The following ATOSA variants were observed in gnomAD, a reference collection of about 807,000 sequenced individuals.
ATOSA encodes the protein atos homolog protein A.
the ATOSA span, among the ~76,000 whole-genome samples, chr15:52,593,217 G>C: frequency 6.6e-6 from 1 of 151,940 alleles, no homozygotes. Context: ...GGAGTAAAAG[G>C]GCCATACAGA....
At chr15:52,645,434 A>G in the ATOSA span, among the ~76,000 whole-genome samples, 2 of 140,840 alleles carry the variant, frequency 1.4e-5, no homozygotes, top group Non-Finnish European at 3.2e-5. Flanking sequence ...ACAAAGCAAG[A>G]CTCCATCTCA....
chr15:52,655,389 C>G, the ATOSA span, among the ~76,000 whole-genome samples: 8 of 152,060 alleles, frequency 5.3e-5, no homozygotes, highest in African/African-American at 1.9e-4. Flanking sequence ...TGTTTTGTAG[C>G]TGTAGTGTGA....
the ATOSA span, chr15:52,608,716 C>A: frequency 6.8e-6 from 11 of 1,612,298 alleles, no homozygotes; most frequent in Admixed American, 1.2e-4. Flanking sequence ...ACATTTGAAA[C>A]CTTCATTATC....
the ATOSA span, among the ~76,000 whole-genome samples, chr15:52,630,032 G>C: frequency 6.6e-6 from 1 of 152,026 alleles, no homozygotes; most frequent in Non-Finnish European, 1.5e-5. Context: ...GGTGGTGGTG[G>C]GGTACCTAAG....
At chr15:52,671,690 T>G in the ATOSA span, among the ~76,000 whole-genome samples, 7 of 152,028 alleles carry the variant, frequency 4.6e-5, no homozygotes, top group African/African-American at 1.7e-4. Flanking sequence ...TAACATTCAC[T>G]GAGCACTTTG....
the ATOSA span, among the ~76,000 whole-genome samples, chr15:52,663,699 A>G: frequency 6.6e-6 from 1 of 152,192 alleles, no homozygotes; most frequent in South Asian, 2.1e-4. Flanking sequence ...ATAGCTCACT[A>G]CAGCCTTAAA....
chr15:52,703,616 A>G, the ATOSA span, among the ~76,000 whole-genome samples: 1 of 152,058 alleles, frequency 6.6e-6, no homozygotes, highest in Non-Finnish European at 1.5e-5. Context: ...ATCTGAAAAT[A>G]CATATGCACA....
the ATOSA span, among the ~76,000 whole-genome samples, chr15:52,618,047 C>T: frequency 2.0e-5 from 3 of 148,872 alleles, no homozygotes; most frequent in African/African-American, 7.4e-5. Flanking sequence ...TCAATTTTTC[C>T]TTTTTTTTTG....
the ATOSA span, chr15:52,581,930 G>A: frequency 2.6e-6 from 1 of 390,754 alleles, no homozygotes; most frequent in East Asian, 3.9e-5. Flanking sequence ...ATTGCAACAT[G>A]TCCAATGAAG....
the ATOSA span, chr15:52,609,696 T>C: frequency 2.5e-6 from 4 of 1,613,676 alleles, no homozygotes; most frequent in Non-Finnish European, 3.4e-6. Flanking sequence ...GGAAAAGTTT[T>C]GAATGGAGTG....
the ATOSA span, among the ~76,000 whole-genome samples, chr15:52,588,639 G>T: frequency 6.6e-6 from 1 of 152,108 alleles, no homozygotes; most frequent in Non-Finnish European, 1.5e-5. Flanking sequence ...GTTGGGGGCA[G>T]GGGCGGTGGT....
At chr15:52,637,625 T>C in the ATOSA span, among the ~76,000 whole-genome samples, 6 of 152,208 alleles carry the variant, frequency 3.9e-5, no homozygotes, top group African/African-American at 1.4e-4. Flanking sequence ...CATCCATCTT[T>C]ACCTCTCTTG....
At chr15:52,613,089 G>A in the ATOSA span, among the ~76,000 whole-genome samples, 4 of 151,868 alleles carry the variant, frequency 2.6e-5, no homozygotes, top group East Asian at 3.9e-4. Context: ...TAAAGCAGAC[G>A]GGGCGTCCTG....
chr15:52,626,843 T>C, the ATOSA span, among the ~76,000 whole-genome samples: 1 of 152,166 alleles, frequency 6.6e-6, no homozygotes, highest in East Asian at 1.9e-4. Context: ...CATGAAGCCT[T>C]AGATATTTGT....
the ATOSA span, among the ~76,000 whole-genome samples, chr15:52,669,029 C>T: frequency 1.3e-5 from 2 of 151,898 alleles, no homozygotes; most frequent in African/African-American, 4.8e-5. Context: ...CCTCACTGTC[C>T]TGCCTCAGTC....
At chr15:52,670,665 A>G in the ATOSA span, among the ~76,000 whole-genome samples, 1 of 152,234 alleles carries the variant, frequency 6.6e-6, no homozygotes, top group Non-Finnish European at 1.5e-5. Flanking sequence ...AGAGGAAACT[A>G]AAAGTAATAA....
chr15:52,623,817 AGTCTT>A, the ATOSA span, among the ~76,000 whole-genome samples: 4 of 152,354 alleles, frequency 2.6e-5, no homozygotes, highest in South Asian at 2.1e-4. Context: ...CTACTTACTT[AGTCTT>A]GTCTTAACAC....
the ATOSA span, chr15:52,584,855 T>C: frequency 6.2e-7 from 1 of 1,613,596 alleles, no homozygotes; most frequent in Non-Finnish European, 8.5e-7. Flanking sequence ...TTCTTTGTCG[T>C]AGGAATGTCT....
the ATOSA span, among the ~76,000 whole-genome samples, chr15:52,641,552 G>A: frequency 6.6e-6 from 1 of 152,176 alleles, no homozygotes; most frequent in Non-Finnish European, 1.5e-5. Context: ...ATGAGATGAT[G>A]TAATCACATC....
Sources: allele counts gnomAD v4.1 joint callset (sites outside exome capture counted in the v4.1 genomes callset), GRCh38; gene constraint gnomAD v4.1.1; transcripts MANE v1.5; gene names NCBI Gene and HGNC (gene_info 2026-07-23, HGNC 2026-07-21).